The following FAM83B variants were observed in gnomAD, a reference collection of about 807,000 sequenced individuals.
FAM83B encodes protein FAM83B.
In FAM83B, 26 loss-of-function variants were observed where a neutral mutation model predicts 38.8. The observed-to-expected ratio is 0.67, with a 90% CI of 0.49 to 0.93. The LOEUF is 0.93. Ranked by LOEUF, FAM83B falls within the 40% of genes least tolerant of loss-of-function variation. FAM83B has a pLI of 0.00. For missense variants in FAM83B, 1,237 were observed against 1,197.3 expected (o/e 1.03, Z -0.49); for synonymous variants, 419 against 423.1 (o/e 0.99, Z 0.12).
chr6:54,890,089 C>T (rs1239931113), intron 2 of FAM83B, among the ~76,000 whole-genome samples: 1 of 152,008 alleles, frequency 6.6e-6, no homozygotes, highest in Admixed American at 6.6e-5. Context: ...GCATCATATT[C>T]TTTACAGCTA....
chr6:54,870,762 A>C, intron 2 of FAM83B, 72 bp downstream of exon 2: 1 of 1,331,708 alleles, frequency 7.5e-7, no homozygotes, highest in Non-Finnish European at 1.0e-6. Flanking sequence ...TAACACAAAT[A>C]TGTATGTTAA....
chr6:54,937,165 A>G (rs1188044725), intron 4 of FAM83B, among the ~76,000 whole-genome samples: 4 of 151,440 alleles, frequency 2.6e-5, no homozygotes, highest in Non-Finnish European at 4.4e-5. Flanking sequence ...ATTAACCCCC[A>G]TTGTGTCATA....
chr6:54,884,481 CAA>C (rs769913282), intron 2 of FAM83B, among the ~76,000 whole-genome samples: 3,618 of 71,052 alleles, frequency 0.051, 127 homozygotes, highest in African/African-American at 0.13. Flanking sequence ...GACTCTGTCT[CAA>C]AAAAAAAAAA....
chr6:54,872,882 T>C (rs1388067481), intron 2 of FAM83B, among the ~76,000 whole-genome samples: 1 of 152,140 alleles, frequency 6.6e-6, no homozygotes, highest in Non-Finnish European at 1.5e-5. Flanking sequence ...TTTTTCTACT[T>C]GTATAGCTAT....
At position 54,940,216 on chromosome 6, in the gene FAM83B, T is replaced by G. The variant is rs754301491; in HGVS notation, c.1245T>G (p.Asn415Lys). The G allele has an allele frequency of 2.5e-6, 4 of 1,613,938 alleles. No homozygotes were observed. The African/African-American group carries it at 5.3e-5, about 22-fold the overall frequency. ...ALNRTNNPPG[N>K]WKKPSDSLSV... The stretch of plus-strand genomic sequence containing the variant: ...ATAGAACCAATAATCCACCTGGTAA[T>G]TGGAAAAAGCCATCTGATAGTCTCA... Residue 415 changes from asparagine (N) to lysine (K), a missense_variant, in exon 5 of 5, where the codon AAT becomes AAG. Transcript: ENST00000306858.
chr6:54,932,434 T>C (rs1030326978), intron 4 of FAM83B, among the ~76,000 whole-genome samples: 1 of 152,220 alleles, frequency 6.6e-6, no homozygotes, highest in African/African-American at 2.4e-5. Context: ...CCAAATTACG[T>C]ATTTATGTAT....
chr6:54,883,099 G>A (rs1029924635), intron 2 of FAM83B, among the ~76,000 whole-genome samples: 4 of 151,814 alleles, frequency 2.6e-5, no homozygotes, highest in East Asian at 1.9e-4. Flanking sequence ...CACCACGCCC[G>A]GCTAATTTTT....
At chr6:54,872,885 A>G (rs886484439) in intron 2 of FAM83B, among the ~76,000 whole-genome samples, 1 of 152,180 alleles carries the variant, frequency 6.6e-6, no homozygotes, top group Admixed American at 6.5e-5. Context: ...TTCTACTTGT[A>G]TAGCTATAGC....
At chr6:54,901,678 G>C (rs239841) in intron 2 of FAM83B, among the ~76,000 whole-genome samples, 1 of 151,922 alleles carries the variant, frequency 6.6e-6, no homozygotes, top group Non-Finnish European at 1.5e-5. Context: ...GAAGTTATGC[G>C]GTCAAGGTAC....
At chr6:54,871,236 T>A (rs1484400522) in intron 2 of FAM83B, among the ~76,000 whole-genome samples, 1 of 152,122 alleles carries the variant, frequency 6.6e-6, no homozygotes, top group East Asian at 1.9e-4. Context: ...TTTTAAGGCT[T>A]TGGTGTTCTT....
chr6:54,882,407 C>T (rs1561912807), intron 2 of FAM83B, among the ~76,000 whole-genome samples: 4 of 152,042 alleles, frequency 2.6e-5, no homozygotes, highest in African/African-American at 7.2e-5. Flanking sequence ...CTTTATTGCC[C>T]TTTTTTTAGA....
chr6:54,898,189 C>T lies in FAM83B; in HGVS notation c.444+27499C>T, dbSNP rs899984826. ...TCTATATTTCCTCTTAGAATTAATG[C>T]TTGAGAGAAACAACGGGTGCCTGAC... On this transcript the variant is annotated intron_variant, in intron 2 of 4. Coordinates refer to ENST00000306858, the MANE Select transcript of FAM83B (RefSeq NM_001010872.3). Among the ~76,000 whole-genome samples, 208 of 152,150 alleles carry T rather than the reference C, an allele frequency of 1.4e-3. 1 individual carries two copies. The highest frequency in any genetic ancestry group is 4.8e-3 in the African/African-American group (198 of 41,510).
intron 2 of FAM83B, among the ~76,000 whole-genome samples, chr6:54,882,202 T>A (rs1385485158): frequency 6.6e-6 from 1 of 152,242 alleles, no homozygotes; most frequent in Non-Finnish European, 1.5e-5. Flanking sequence ...TTTGCTATTG[T>A]GCATAGTGCA....
intron 4 of FAM83B, 108 bp from the exon 5 acceptor site, chr6:54,939,598 C>T: frequency 9.9e-7 from 1 of 1,012,758 alleles, no homozygotes. Context: ...ATAATGATAG[C>T]CAAAGAAAAG....
chr6:54,869,860 C>G (rs183225379), intron 1 of FAM83B, among the ~76,000 whole-genome samples: 2 of 152,258 alleles, frequency 1.3e-5, no homozygotes, highest in African/African-American at 2.4e-5. Flanking sequence ...TTACATCTAG[C>G]ATATTCTGTA....
intron 1 of FAM83B, among the ~76,000 whole-genome samples, chr6:54,848,921 A>C (rs1771202408): frequency 6.6e-6 from 1 of 152,204 alleles, no homozygotes; most frequent in Non-Finnish European, 1.5e-5. Flanking sequence ...GTAAGTTTGC[A>C]CGTCTGTCCC....
chr6:54,855,333 T>C (rs922973471), intron 1 of FAM83B, among the ~76,000 whole-genome samples: 1 of 152,212 alleles, frequency 6.6e-6, no homozygotes, highest in Non-Finnish European at 1.5e-5. Flanking sequence ...CTTATACATA[T>C]AATTGAAAAT....
At chr6:54,918,266 A>G (rs1389012794) in intron 2 of FAM83B, among the ~76,000 whole-genome samples, 2 of 152,128 alleles carry the variant, frequency 1.3e-5, no homozygotes, top group Non-Finnish European at 2.9e-5. Context: ...TATTTTCAGA[A>G]TTTACTAAAA....
At chr6:54,914,056 A>C (rs2143797) in intron 2 of FAM83B, among the ~76,000 whole-genome samples, 4,668 of 152,244 alleles carry the variant, frequency 0.031, 244 homozygotes, top group African/African-American at 0.11. Context: ...AAATCCAAAC[A>C]AGATCTGGTC....
Sources: allele counts gnomAD v4.1 joint callset (sites outside exome capture counted in the v4.1 genomes callset), GRCh38; gene constraint gnomAD v4.1.1; transcripts MANE v1.5; gene names NCBI Gene and HGNC (gene_info 2026-07-23, HGNC 2026-07-21).